The following CSMD1 variants were observed in gnomAD, a reference collection of about 807,000 sequenced individuals.
The protein encoded by CSMD1 is CUB and sushi domain-containing protein 1.
In CSMD1, 213 loss-of-function variants were observed where a neutral mutation model predicts 417.5. That is an observed-to-expected ratio of 0.51 (90% CI 0.46 to 0.57). The LOEUF is 0.57. Ranked by LOEUF, CSMD1 falls within the 20% of genes least tolerant of loss-of-function variation. CSMD1 has a pLI of 0.00. For missense variants in CSMD1, 6,923 were observed against 4,529.7 expected, an observed-to-expected ratio of 1.53 and a Z score of -15.17; for synonymous variants, 2,862 against 1,736.8, an observed-to-expected ratio of 1.65 and a Z score of -16.11.
chr8:4,350,637 T>G (rs1222994868), intron 3 of CSMD1, among the ~76,000 whole-genome samples: 1 of 152,194 alleles, frequency 6.6e-6, no homozygotes, highest in Non-Finnish European at 1.5e-5. Context: ...GGCTAGAGAA[T>G]TGCGAGTTGA....
chr8:3,246,196 G>A lies in CSMD1; in HGVS notation c.4154-15965C>T, dbSNP rs11996101. Among the ~76,000 whole-genome samples, 923 of 152,126 alleles carry A rather than the reference G, an allele frequency of 6.1e-3. 11 individuals carry two copies. The highest frequency in any genetic ancestry group is 0.021 in the African/African-American group (860 of 41,502). ...CTCCACACCTGGATCTGCTGGTCCC[G>A]TGGGATCAGGGCCCTGCCTGCCACA... On this transcript the variant is annotated intron_variant, in intron 26 of 69. Coordinates refer to ENST00000635120, the MANE Select transcript of CSMD1 (RefSeq NM_033225.6).
At chr8:4,441,635 A>G (rs897734320) in intron 2 of CSMD1, among the ~76,000 whole-genome samples, 2 of 152,134 alleles carry the variant, frequency 1.3e-5, no homozygotes, top group African/African-American at 4.8e-5. Flanking sequence ...TAGGTATTTA[A>G]TTTTATTTCA....
intron 10 of CSMD1, among the ~76,000 whole-genome samples, chr8:3,564,616 A>G (rs1381653710): frequency 6.8e-6 from 1 of 146,712 alleles, no homozygotes; most frequent in Non-Finnish European, 1.5e-5. Context: ...CTCAGCTCCA[A>G]GAGGAGGCAG....
intron 3 of CSMD1, among the ~76,000 whole-genome samples, chr8:4,396,328 A>G (rs903296969): frequency 1.3e-5 from 2 of 151,262 alleles, no homozygotes; most frequent in African/African-American, 2.4e-5. Context: ...ATAGCCAGGC[A>G]TGGTAGCATG....
At chr8:4,840,198 T>G (rs1800760953) in intron 1 of CSMD1, among the ~76,000 whole-genome samples, 1 of 152,254 alleles carries the variant, frequency 6.6e-6, no homozygotes, top group South Asian at 2.1e-4. Context: ...CACTCATCCC[T>G]GATCATGGTC....
chr8:4,451,993 T>C (rs1799175328), intron 2 of CSMD1, among the ~76,000 whole-genome samples: 1 of 150,062 alleles, frequency 6.7e-6, no homozygotes, highest in Non-Finnish European at 1.5e-5. Flanking sequence ...TAGTTTGATA[T>C]ATATATAATG....
chr8:3,194,445 A>ATTTTATTTTT (rs1796589984), intron 33 of CSMD1, among the ~76,000 whole-genome samples: 2 of 144,630 alleles, frequency 1.4e-5, no homozygotes, highest in Admixed American at 1.4e-4. Context: ...ATTTTATTTT[A>ATTTTATTTTT]TTTTATTTTA....
At chr8:3,993,193 A>C (rs1055920946) in intron 5 of CSMD1, among the ~76,000 whole-genome samples, 1 of 152,228 alleles carries the variant, frequency 6.6e-6, no homozygotes, top group Admixed American at 6.5e-5. Context: ...TTTAGGATAT[A>C]CAGCAACTCT....
At chr8:4,980,407 T>C (rs1225483265) in intron 1 of CSMD1, among the ~76,000 whole-genome samples, 1 of 152,156 alleles carries the variant, frequency 6.6e-6, no homozygotes, top group Non-Finnish European at 1.5e-5. Context: ...GAGGCAGGTC[T>C]GGTCTTGTGT....
chr8:3,327,491 T>G (rs1806610056), intron 23 of CSMD1, among the ~76,000 whole-genome samples: 1 of 152,202 alleles, frequency 6.6e-6, no homozygotes, highest in East Asian at 1.9e-4. Flanking sequence ...AATTTTCCTC[T>G]TAACATACAC....
chr8:4,368,154 T>G (rs971012655), intron 3 of CSMD1, among the ~76,000 whole-genome samples: 8 of 152,280 alleles, frequency 5.3e-5, no homozygotes, highest in East Asian at 3.9e-4. Flanking sequence ...ATCATTTTTT[T>G]GAGATATATT....
At chr8:3,726,609 T>A (rs1024875004) in intron 6 of CSMD1, among the ~76,000 whole-genome samples, 2 of 152,162 alleles carry the variant, frequency 1.3e-5, no homozygotes, top group African/African-American at 4.8e-5. Context: ...AAGTTCCCTG[T>A]GTTACGAGGG....
intron 3 of CSMD1, among the ~76,000 whole-genome samples, chr8:4,291,161 T>C (rs890263163): frequency 6.6e-6 from 1 of 152,196 alleles, no homozygotes; most frequent in Non-Finnish European, 1.5e-5. Flanking sequence ...GGATTATCTA[T>C]ATTCTCTTTA....
chr8:4,532,157 C>T (rs1585212047), intron 2 of CSMD1, among the ~76,000 whole-genome samples: 6 of 300 alleles, frequency 0.02, no homozygotes, highest in Non-Finnish European at 0.065. Flanking sequence ...ATTCACAGTC[C>T]TCCAGAAAAG....
At chr8:3,600,190 G>A (rs556526910) in intron 8 of CSMD1, among the ~76,000 whole-genome samples, 1 of 152,122 alleles carries the variant, frequency 6.6e-6, no homozygotes, top group Non-Finnish European at 1.5e-5. Flanking sequence ...ATTGCTTCCC[G>A]AATCTTTCCA....
At chr8:4,058,592 G>A (rs1432811296) in intron 3 of CSMD1, among the ~76,000 whole-genome samples, 5 of 151,426 alleles carry the variant, frequency 3.3e-5, no homozygotes, top group Non-Finnish European at 7.4e-5. Context: ...AAAGGATGGA[G>A]GAAGATCTAC....
At chr8:3,109,301 A>G (rs113827495) in intron 43 of CSMD1, among the ~76,000 whole-genome samples, 2,444 of 152,278 alleles carry the variant, frequency 0.016, 59 homozygotes, top group African/African-American at 0.054. Flanking sequence ...TAAAAATGTC[A>G]ACACCTGTGA....
intron 52 of CSMD1, among the ~76,000 whole-genome samples, chr8:3,004,270 G>C (rs979258151): frequency 1.3e-5 from 2 of 152,082 alleles, no homozygotes; most frequent in African/African-American, 4.8e-5. Context: ...TTGACGTTTA[G>C]CTTCAGTTTA....
intron 1 of CSMD1, among the ~76,000 whole-genome samples, chr8:4,926,125 G>T (rs1373846880): frequency 6.6e-6 from 1 of 152,072 alleles, no homozygotes; most frequent in African/African-American, 2.4e-5. Flanking sequence ...TATCAATGCC[G>T]ATATTCATGA....
Sources: allele counts gnomAD v4.1 joint callset (sites outside exome capture counted in the v4.1 genomes callset), GRCh38; gene constraint gnomAD v4.1.1; transcripts MANE v1.5; gene names NCBI Gene and HGNC (gene_info 2026-07-23, HGNC 2026-07-21).